Variants in EDA observed in about 807,000 individuals in gnomAD.
EDA encodes ectodysplasin A.
In EDA, 2 loss-of-function variants were observed where a neutral mutation model predicts 23.6. That is an observed-to-expected ratio of 0.08 (90% CI 0.03 to 0.27). EDA has a LOEUF of 0.27. Ranked by LOEUF, EDA falls within the 10% of genes least tolerant of loss-of-function variation. The pLI is 1.00. For synonymous variants in EDA, 131 were observed against 132.0 expected, an observed-to-expected ratio of 0.99 and a Z score of 0.05; for missense variants, 229 against 324.2, an observed-to-expected ratio of 0.71 and a Z score of 2.26.
intron 6 of EDA, among the ~76,000 whole-genome samples, chrX:70,032,202 T>A (rs939119746): frequency 9.4e-6 from 1 of 106,913 alleles, no homozygotes; most frequent in Non-Finnish European, 1.9e-5. Flanking sequence ...GAGGTTGCAG[T>A]GAGCCAAGAT....
chrX:69,755,803 C>G (rs1434730975), intron 1 of EDA, among the ~76,000 whole-genome samples: 1 of 112,524 alleles, frequency 8.9e-6, no homozygotes, highest in Non-Finnish European at 1.9e-5. Flanking sequence ...CCTTGCAGTT[C>G]GATCTCAGAC....
rs1362471618 is a variant in EDA at position 69,655,163 on chromosome X, A to T, written c.396+38459A>T. Among the ~76,000 whole-genome samples, 4 of 111,834 alleles carry T rather than the reference A, an allele frequency of 3.6e-5. No individual in the cohort carries two copies. In the Admixed American group the frequency reaches 3.8e-4, roughly 11 times the overall value. On this transcript the variant is annotated intron_variant, in intron 1 of 7. Transcript: ENST00000374552. ...GGAATCCCAGCACTTTGGGAGGCCG[A>T]GTTGGGCAGATCACCTGAGGTCGGG...
In EDA at chrX:69,665,572, A is replaced by G. The variant is rs1049098357; in HGVS notation, c.396+48868A>G. Among the ~76,000 whole-genome samples, 3 of 110,630 alleles carry G rather than the reference A, an allele frequency of 2.7e-5. 1 individual carries two copies. The highest frequency in any genetic ancestry group is 5.7e-5 in the Non-Finnish European group (3 of 52,824). ...TTATTGAAGAGACTACCCTTTCCCC[A>G]TTGTGTTCTCTTGGTGCCGTTGTCA... On this transcript the variant is annotated intron_variant, in intron 1 of 7. Coordinates refer to ENST00000374552, the MANE Select transcript of EDA (RefSeq NM_001399.5).
intron 1 of EDA, among the ~76,000 whole-genome samples, chrX:69,945,505 T>G (rs1293142208): frequency 8.9e-6 from 1 of 112,208 alleles, no homozygotes; most frequent in Non-Finnish European, 1.9e-5. Context: ...GAGTTAAAGC[T>G]CTGTGAAAGA....
chrX:69,759,766 G>A (rs2014240424), intron 1 of EDA, among the ~76,000 whole-genome samples: 1 of 110,571 alleles, frequency 9.0e-6, no homozygotes, highest in African/African-American at 3.3e-5. Flanking sequence ...AGAGGGAGTG[G>A]CCCAGGTGTG....
chrX:69,785,409 G>A (rs1306456932), intron 1 of EDA, among the ~76,000 whole-genome samples: 3 of 89,230 alleles, frequency 3.4e-5, no homozygotes, highest in Non-Finnish European at 2.5e-5. Flanking sequence ...TGCCCATTCA[G>A]TTTGATATTG....
intron 1 of EDA, among the ~76,000 whole-genome samples, chrX:69,714,788 G>C (rs946987952): frequency 9.0e-6 from 1 of 111,287 alleles, no homozygotes; most frequent in African/African-American, 3.3e-5. Context: ...GATTACGGTA[G>C]CTATATATGT....
chrX:69,742,287 C>T (rs1379001972), intron 1 of EDA, among the ~76,000 whole-genome samples: 11 of 110,943 alleles, frequency 9.9e-5, no homozygotes, highest in African/African-American at 2.3e-4. Flanking sequence ...GGCATCCTAC[C>T]CTACCCCGTG....
chrX:69,987,781 C>A (rs192083151), intron 2 of EDA, among the ~76,000 whole-genome samples: 15 of 111,491 alleles, frequency 1.3e-4, no homozygotes, highest in East Asian at 2.8e-4. Context: ...TTCTTCCCCC[C>A]ACAAAAGCAG....
At chrX:69,888,324 G>T (rs1218728941) in intron 1 of EDA, among the ~76,000 whole-genome samples, 1 of 109,998 alleles carries the variant, frequency 9.1e-6, no homozygotes, top group East Asian at 2.9e-4. Context: ...AGGAATCAAA[G>T]CATACCACCA....
At chrX:69,702,834 C>T (rs2011573285) in intron 1 of EDA, among the ~76,000 whole-genome samples, 2 of 111,354 alleles carry the variant, frequency 1.8e-5, no homozygotes. Flanking sequence ...ACTGTAAAGT[C>T]GAATGTTCAT....
chrX:69,759,536 G>T (rs2014232975), intron 1 of EDA, among the ~76,000 whole-genome samples: 1 of 111,867 alleles, frequency 8.9e-6, no homozygotes, highest in Non-Finnish European at 1.9e-5. Flanking sequence ...AACCCAGGAA[G>T]AACCGCATTA....
intron 1 of EDA, among the ~76,000 whole-genome samples, chrX:69,750,173 T>TC (rs1410572597): frequency 5.6e-5 from 2 of 35,597 alleles, no homozygotes; most frequent in Non-Finnish European, 9.3e-5. Context: ...CCCCTCCCCC[T>TC]CCCCCCACCC....
At chrX:69,812,779 A>G (rs1023466634) in intron 1 of EDA, among the ~76,000 whole-genome samples, 4 of 112,086 alleles carry the variant, frequency 3.6e-5, no homozygotes, top group African/African-American at 1.3e-4. Context: ...ATGTGAAACA[A>G]AATCACAAAT....
intron 1 of EDA, among the ~76,000 whole-genome samples, chrX:69,917,497 A>G (rs2018363653): frequency 8.9e-6 from 1 of 111,766 alleles, no homozygotes; most frequent in Non-Finnish European, 1.9e-5. Context: ...AACCACAGTA[A>G]GCTTATAAAG....
intron 1 of EDA, among the ~76,000 whole-genome samples, chrX:69,832,801 A>G (rs1295669960): frequency 1.6e-4 from 18 of 111,439 alleles, no homozygotes; most frequent in African/African-American, 5.9e-4. Context: ...CTTGGAAGCA[A>G]TTGTGAATGG....
intron 1 of EDA, among the ~76,000 whole-genome samples, chrX:69,622,432 G>A (rs1412171476): frequency 3.6e-5 from 4 of 112,023 alleles, no homozygotes; most frequent in Non-Finnish European, 5.6e-5. Context: ...AGTAATATCC[G>A]TTGATTTTAA....
At chrX:69,868,280 T>C (rs1451855073) in intron 1 of EDA, among the ~76,000 whole-genome samples, 2 of 112,151 alleles carry the variant, frequency 1.8e-5, no homozygotes, top group African/African-American at 6.5e-5. Flanking sequence ...ACTGGCAGCC[T>C]TTCAGGTCAC....
chrX:69,688,055 C>T (rs1259936117), intron 1 of EDA, among the ~76,000 whole-genome samples: 2 of 111,524 alleles, frequency 1.8e-5, no homozygotes, highest in Non-Finnish European at 3.8e-5. Flanking sequence ...GTACCCTACC[C>T]TCTTCACAGA....
Sources: gnomAD v4.1 joint callset for allele counts (sites outside exome capture counted in the v4.1 genomes callset) on GRCh38, gnomAD v4.1.1 for gene constraint, MANE v1.5 for transcripts, NCBI Gene and HGNC (gene_info 2026-07-23, HGNC 2026-07-21) for gene names.